The following CACNA2D2 variants were observed in gnomAD, a reference collection of about 807,000 sequenced individuals.
CACNA2D2 encodes voltage-dependent calcium channel subunit alpha-2/delta-2.
CACNA2D2 carries 48 observed loss-of-function variants against 166.4 expected under a neutral mutation model. That is an observed-to-expected ratio of 0.29 (90% CI 0.23 to 0.37). CACNA2D2 has a LOEUF of 0.37. Ranked by LOEUF, CACNA2D2 falls within the 10% of genes least tolerant of loss-of-function variation. The probability of loss-of-function intolerance (pLI) is 1.00; values close to 1 mark genes in which losing one functional copy is unlikely to be tolerated. For synonymous variants in CACNA2D2, 561 were observed against 573.7 expected (o/e 0.98, Z 0.32); for missense variants, 1,122 against 1,433.0 (o/e 0.78, Z 3.50).
At chr3:50,395,236 C>T (rs1016860974) in intron 3 of CACNA2D2, among the ~76,000 whole-genome samples, 2 of 152,238 alleles carry the variant, frequency 1.3e-5, no homozygotes, top group South Asian at 2.1e-4. Context: ...TTGTACCATT[C>T]ACAGTGTGCC....
At chr3:50,478,667 C>T (rs1254005497) in intron 1 of CACNA2D2, among the ~76,000 whole-genome samples, 1 of 152,230 alleles carries the variant, frequency 6.6e-6, no homozygotes, top group Non-Finnish European at 1.5e-5. Flanking sequence ...TTCAACTGAC[C>T]TGTACAAGGT....
Position 50,365,203 on chromosome 3 carries a change from G to A in CACNA2D2, c.3099-19C>T, listed in dbSNP as rs1025075578. ...GAACAGCCTGCGGGCAGCCCGGAAA[G>A]GCGGGGCGTTGAGTTTGCCCCGCCC... On this transcript the variant is annotated intron_variant, in intron 35 of 37. Coordinates refer to ENST00000424201, the MANE Select transcript of CACNA2D2 (RefSeq NM_006030.4). This position sits in a 1 kb window ranked among gnomAD's most constrained non-coding sequence, Gnocchi z 4.5. 6.8e-6 allele frequency: 11 copies of A among 1,610,874 alleles called. No individual in the cohort carries two copies. Among genetic ancestry groups the A allele is most frequent in the African/African-American group, 1.3e-5 (1 of 74,832 alleles).
intron 3 of CACNA2D2, among the ~76,000 whole-genome samples, chr3:50,430,920 C>T (rs1414862048): frequency 6.6e-6 from 1 of 152,154 alleles, no homozygotes; most frequent in East Asian, 1.9e-4. Flanking sequence ...GCTTGCATTG[C>T]AAGGCCCCTG....
chr3:50,396,752 T>G (rs1706176798), intron 3 of CACNA2D2, among the ~76,000 whole-genome samples: 2 of 152,322 alleles, frequency 1.3e-5, no homozygotes, highest in South Asian at 4.1e-4. Context: ...TTGTCATCAC[T>G]GTGCCCCTCC....
intron 22 of CACNA2D2, among the ~76,000 whole-genome samples, chr3:50,371,194 G>C (rs1341305621): frequency 6.6e-6 from 1 of 152,080 alleles, no homozygotes; most frequent in African/African-American, 2.4e-5. Context: ...AGACGGGCTG[G>C]GTCTCCACCC....
intron 1 of CACNA2D2, among the ~76,000 whole-genome samples, chr3:50,482,179 C>A (rs1559992673): frequency 1.3e-5 from 2 of 152,202 alleles, no homozygotes; most frequent in African/African-American, 4.8e-5. Context: ...GCAGTCACTC[C>A]AAGCTCAGAA....
In CACNA2D2 at chr3:50,365,370, G is replaced by A. The variant is rs1553725422; in HGVS notation, c.3084C>T (p.Cys1028=). Residue 1028 remains cysteine, a synonymous_variant, in exon 35 of 38, where the codon TGC becomes TGT. Transcript: ENST00000424201. The surrounding 1 kb of genome is among the most constrained non-coding windows in gnomAD (Gnocchi z 4.5). ...ACTGCCAGCACCTGGAGCAGTTTCC[G>A]CAGTCGATGATGGCGTTGTAGGAGG... The part of the protein sequence containing the change: ...VNASYNAIID[C]GNCSRLFHAQ... 1.2e-6 allele frequency: 2 copies of A among 1,613,338 alleles called. No homozygotes were observed. The highest frequency in any genetic ancestry group is 4.5e-5 in the East Asian group (2 of 44,856).
chr3:50,481,217 G>A (rs1238944616), intron 1 of CACNA2D2, among the ~76,000 whole-genome samples: 1 of 152,098 alleles, frequency 6.6e-6, no homozygotes, highest in Non-Finnish European at 1.5e-5. Context: ...AAAGGATGGG[G>A]GAGGGGCTCT....
intron 2 of CACNA2D2, among the ~76,000 whole-genome samples, chr3:50,450,034 GT>G (rs1709026956): frequency 6.6e-6 from 1 of 152,192 alleles, no homozygotes; most frequent in Admixed American, 6.5e-5. Context: ...AGCCTCCAGA[GT>G]TTGTGAGCCC....
At chr3:50,385,428 C>A (rs587634030) in intron 5 of CACNA2D2, among the ~76,000 whole-genome samples, 4 of 152,276 alleles carry the variant, frequency 2.6e-5, no homozygotes, top group South Asian at 4.1e-4. Context: ...CGTGGGCTGA[C>A]CCCCGCTGCC....
At chr3:50,460,811 G>A (rs1009821141) in intron 2 of CACNA2D2, among the ~76,000 whole-genome samples, 1 of 151,382 alleles carries the variant, frequency 6.6e-6, no homozygotes, top group East Asian at 1.9e-4. Context: ...CCGAGATCAC[G>A]CCACTGCACT....
At chr3:50,374,947 C>G in intron 21 of CACNA2D2, 134 bp from the exon 22 acceptor site, 2 of 736,940 alleles carry the variant, frequency 2.7e-6, no homozygotes, top group East Asian at 2.7e-5. Context: ...CCCCTCTCCC[C>G]GCTTAGCTGC....
At chr3:50,467,624 C>T (rs1032240335) in intron 2 of CACNA2D2, among the ~76,000 whole-genome samples, 1 of 152,186 alleles carries the variant, frequency 6.6e-6, no homozygotes, top group Non-Finnish European at 1.5e-5. Flanking sequence ...CACACCCTTG[C>T]ATACTGAGGT....
At chr3:50,467,407 T>C (rs1709868749) in intron 2 of CACNA2D2, among the ~76,000 whole-genome samples, 1 of 152,124 alleles carries the variant, frequency 6.6e-6, no homozygotes, top group African/African-American at 2.4e-5. Context: ...GTTCCCAAGG[T>C]CGAATGGGAC....
chr3:50,392,434 TG>T (rs569712013), intron 4 of CACNA2D2, among the ~76,000 whole-genome samples: 3 of 152,146 alleles, frequency 2.0e-5, no homozygotes, highest in Admixed American at 2.0e-4. Context: ...GGGACACCAG[TG>T]GGACAGGCCG....
At chr3:50,373,098 A>G (rs1324894442) in intron 22 of CACNA2D2, 1 of 1,535,178 alleles carries the variant, frequency 6.5e-7, no homozygotes, top group Non-Finnish European at 8.7e-7. Context: ...GGGACAGTCC[A>G]CCAAGAGAGA....
intron 1 of CACNA2D2, among the ~76,000 whole-genome samples, chr3:50,498,210 C>A (rs1698803300): frequency 6.6e-6 from 1 of 152,188 alleles, no homozygotes; most frequent in African/African-American, 2.4e-5. Context: ...GACTCCCAAA[C>A]CTCCAGCTGC....
intron 3 of CACNA2D2, among the ~76,000 whole-genome samples, chr3:50,399,103 G>A (rs1706308818): frequency 6.6e-6 from 1 of 152,204 alleles, no homozygotes; most frequent in African/African-American, 2.4e-5. Flanking sequence ...AGGGCCTTGG[G>A]TGATGGGGGG....
chr3:50,404,759 C>T (rs1276639429), intron 3 of CACNA2D2, among the ~76,000 whole-genome samples: 2 of 152,208 alleles, frequency 1.3e-5, no homozygotes, highest in Admixed American at 6.5e-5. Context: ...CCTGCTCTTA[C>T]GTGGGGTGCC....
Sources: allele counts gnomAD v4.1 joint callset (sites outside exome capture counted in the v4.1 genomes callset), GRCh38; gene constraint gnomAD v4.1.1; non-coding constraint Gnocchi (gnomAD v3.1); transcripts MANE v1.5; gene names NCBI Gene and HGNC (gene_info 2026-07-23, HGNC 2026-07-21).